Variants in NUP210L observed in about 807,000 individuals in gnomAD.
The protein encoded by NUP210L is nucleoporin 210 like.
In NUP210L, 74 loss-of-function variants were observed where a neutral mutation model predicts 208.5. That is an observed-to-expected ratio of 0.35 (90% CI 0.29 to 0.43). The LOEUF (loss-of-function observed/expected upper bound fraction) is 0.43. NUP210L is among the 20% of genes least tolerant of loss of function. The probability of loss-of-function intolerance (pLI) is 1.00; values close to 1 mark genes in which losing one functional copy is unlikely to be tolerated. For synonymous variants in NUP210L, 780 were observed against 816.9 expected (o/e 0.95, Z 0.77); for missense variants, 1,843 against 2,289.4 (o/e 0.81, Z 3.98).
chr1:154,086,905 T>C (rs998889654), intron 16 of NUP210L, among the ~76,000 whole-genome samples: 1 of 152,008 alleles, frequency 6.6e-6, no homozygotes, highest in East Asian at 1.9e-4. Context: ...GTAGACTATA[T>C]GAAATGAAGA....
chr1:154,139,642 A>C (rs1284629177), intron 5 of NUP210L, among the ~76,000 whole-genome samples, 160 bp downstream of exon 5: 2 of 152,008 alleles, frequency 1.3e-5, no homozygotes, highest in Non-Finnish European at 2.9e-5. Flanking sequence ...CAGCCTGGGC[A>C]ACCTGGTGAA....
chr1:154,127,108 T>TAAA (rs5777889), intron 9 of NUP210L, among the ~76,000 whole-genome samples: 3 of 132,552 alleles, frequency 2.3e-5, no homozygotes, highest in Non-Finnish European at 4.8e-5. Context: ...TGTGTCTCTT[T>TAAA]AAAAAAAAAA....
chr1:154,103,289 G>A (rs1299693035), intron 13 of NUP210L, among the ~76,000 whole-genome samples: 1 of 151,898 alleles, frequency 6.6e-6, no homozygotes, highest in East Asian at 1.9e-4. Flanking sequence ...AGGTACTTGG[G>A]AGGCTGAGGC....
At chr1:154,110,604 C>T (rs1009617901) in intron 12 of NUP210L, among the ~76,000 whole-genome samples, 1 of 151,434 alleles carries the variant, frequency 6.6e-6, no homozygotes, top group Non-Finnish European at 1.5e-5. Context: ...GTTGGCTGGA[C>T]ACAGTGGTTC....
intron 35 of NUP210L, among the ~76,000 whole-genome samples, chr1:154,007,463 T>C (rs1423280803): frequency 6.6e-6 from 1 of 151,814 alleles, no homozygotes; most frequent in African/African-American, 2.4e-5. Context: ...GGTTTCTCCA[T>C]GTTGGTGAGG....
chr1:154,147,703 C>T (rs921289618), intron 2 of NUP210L, among the ~76,000 whole-genome samples: 1 of 150,606 alleles, frequency 6.6e-6, no homozygotes, highest in East Asian at 2.0e-4. Context: ...TGTCGCAATG[C>T]AGTGGTGCAA....
intron 2 of NUP210L, among the ~76,000 whole-genome samples, chr1:154,149,696 G>A (rs1473533978): frequency 3.3e-5 from 5 of 152,016 alleles, no homozygotes; most frequent in Non-Finnish European, 7.4e-5. Context: ...GTGACAGAGT[G>A]AAACCCTGTC....
intron 12 of NUP210L, among the ~76,000 whole-genome samples, chr1:154,114,131 A>T (rs1389085337): frequency 1.3e-5 from 2 of 150,554 alleles, no homozygotes; most frequent in African/African-American, 4.9e-5. Flanking sequence ...CAACAGCGCA[A>T]GACTCCATCT....
At chr1:154,110,397 G>C (rs929473105) in intron 12 of NUP210L, among the ~76,000 whole-genome samples, 4 of 150,098 alleles carry the variant, frequency 2.7e-5, no homozygotes, top group East Asian at 4.0e-4. Flanking sequence ...TCAGCCTCCT[G>C]AGTAGCTGGG....
chr1:154,001,750 A>T lies in NUP210L; in HGVS notation c.5166T>A (p.Val1722=), dbSNP rs1571151429. 5 of 1,614,136 alleles carry T rather than the reference A, an allele frequency of 3.1e-6. No individual in the cohort carries two copies. In the East Asian group the frequency reaches 1.1e-4, roughly 36 times the overall value. The stretch of plus-strand genomic sequence containing the variant: ...CTTAACATACCTCTAGCTTCCTAAG[A>T]ACTCTGTCCACTCCCAGTACTCTTA... Residue 1722 remains valine (V), a synonymous_variant, in exon 36 of 40, where the codon GTT becomes GTA. Coordinates refer to ENST00000368559, the Ensembl canonical transcript of NUP210L.
chr1:154,057,975 A>C lies in NUP210L; in HGVS notation c.3107+114T>G, dbSNP rs953285782. 3 of 1,142,266 alleles carry C rather than the reference A, an allele frequency of 2.6e-6. No homozygotes were observed. The African/African-American group carries it at 4.7e-5, about 18-fold the overall frequency. 70.8% of individuals were successfully genotyped at this position (1,142,266 alleles called of 1,614,324 possible). ...ATGGGCTGAAATGTATTCTAACAGA[A>C]AAGGAATGGAGAAAATCTGAAATAA... On this transcript the variant is annotated intron_variant, in intron 22 of 39. Transcript: ENST00000368559.
chr1:154,088,854 T>G (rs937607309), intron 16 of NUP210L, among the ~76,000 whole-genome samples: 1 of 152,214 alleles, frequency 6.6e-6, no homozygotes, highest in Non-Finnish European at 1.5e-5. Context: ...GTTTATTATA[T>G]AATATGATGT....
At chr1:154,085,245 G>T (rs2148037559) in intron 16 of NUP210L, among the ~76,000 whole-genome samples, 1 of 150,556 alleles carries the variant, frequency 6.6e-6, no homozygotes, top group Non-Finnish European at 1.5e-5. Flanking sequence ...AGCTACTCGG[G>T]AGGCTGAGGC....
At chr1:154,116,021 C>T (rs1427128280) in intron 12 of NUP210L, among the ~76,000 whole-genome samples, 1 of 151,702 alleles carries the variant, frequency 6.6e-6, no homozygotes, top group African/African-American at 2.4e-5. Flanking sequence ...TTTGGGAGGC[C>T]GAGGCAGGTG....
chr1:154,017,606 T>G (rs988640080), intron 33 of NUP210L, among the ~76,000 whole-genome samples: 6 of 147,920 alleles, frequency 4.1e-5, no homozygotes, highest in African/African-American at 1.5e-4. Flanking sequence ...AACCTCTGCC[T>G]CCTGGGTTCA....
At chr1:154,054,081 A>C in intron 25 of NUP210L, 147 bp downstream of exon 25, 1 of 689,326 alleles carries the variant, frequency 1.5e-6, no homozygotes, top group Non-Finnish European at 2.5e-6. Flanking sequence ...GACATTTTCC[A>C]TGCCTGGTTG....
chr1:154,117,584 C>CA (rs796952348), intron 12 of NUP210L, 141 bp downstream of exon 12: 10,613 of 554,316 alleles, frequency 0.019, no homozygotes, highest in Middle Eastern at 0.029. Flanking sequence ...CATCTGTCTC[C>CA]AAAAAAAAAA....
intron 16 of NUP210L, among the ~76,000 whole-genome samples, chr1:154,076,913 A>T (rs1655065865): frequency 6.6e-6 from 1 of 152,204 alleles, no homozygotes; most frequent in Non-Finnish European, 1.5e-5. Context: ...ATTCAAAAAG[A>T]TCTACATCTA....
intron 13 of NUP210L, among the ~76,000 whole-genome samples, 176 bp from the exon 14 acceptor site, chr1:154,100,319 C>T (rs536817392): frequency 2.4e-4 from 36 of 151,574 alleles, no homozygotes; most frequent in African/African-American, 8.0e-4. Flanking sequence ...GGCATGGTGG[C>T]GTGCACCTGT....
Sources: allele counts gnomAD v4.1 joint callset (sites outside exome capture counted in the v4.1 genomes callset), GRCh38; gene constraint gnomAD v4.1.1; transcripts MANE v1.5; gene names NCBI Gene and HGNC (gene_info 2026-07-23, HGNC 2026-07-21).